PARD3B: variants seen among roughly 807,000 people sequenced by gnomAD.
The protein encoded by PARD3B is partitioning defective 3 homolog B.
In PARD3B, 103 loss-of-function variants were observed where a neutral mutation model predicts 130.2. The ratio of observed to expected loss-of-function variants is 0.79; its 90% CI spans 0.67 to 0.93. The LOEUF (loss-of-function observed/expected upper bound fraction) is 0.93, where lower values mean the gene tolerates loss of function less well. Among genes scored for constraint, PARD3B ranks in the 40% least tolerant of loss-of-function variants. The pLI is 0.00. For synonymous variants in PARD3B, 583 were observed against 553.2 expected (o/e 1.05, Z -0.76); for missense variants, 1,609 against 1,499.2 (o/e 1.07, Z -1.21).
intron 1 of PARD3B, among the ~76,000 whole-genome samples, chr2:204,637,041 CACTT>C (rs1287756609): frequency 2.6e-5 from 4 of 152,084 alleles, no homozygotes; most frequent in Non-Finnish European, 5.9e-5. Context: ...GGAAAATAAA[CACTT>C]AATCCCTTTA....
intron 1 of PARD3B, among the ~76,000 whole-genome samples, chr2:204,635,565 C>G (rs2034847155): frequency 6.6e-6 from 1 of 152,078 alleles, no homozygotes; most frequent in Admixed American, 6.6e-5. Context: ...AGCACTGTTT[C>G]ACAAGTTTTG....
intron 18 of PARD3B, among the ~76,000 whole-genome samples, chr2:205,313,438 A>G (rs934402104): frequency 6.6e-6 from 1 of 152,196 alleles, no homozygotes; most frequent in African/African-American, 2.4e-5. Flanking sequence ...ATGAAAATGT[A>G]CAGGAACCTT....
intron 2 of PARD3B, among the ~76,000 whole-genome samples, chr2:204,927,516 A>G (rs1263236232): frequency 6.6e-6 from 1 of 152,150 alleles, no homozygotes; most frequent in African/African-American, 2.4e-5. Flanking sequence ...GGTTTATGGT[A>G]CTTTGTTATA....
Position 205,591,439 on chromosome 2 carries a change from C to T in PARD3B, c.3261-24017C>T, listed in dbSNP as rs188711283. Among the ~76,000 whole-genome samples the T allele has an allele frequency of 6.6e-5, 10 of 152,244 alleles. No homozygotes were observed. The highest frequency in any genetic ancestry group is 1.3e-4 in the Non-Finnish European group (9 of 68,024). On this transcript the variant is annotated intron_variant, in intron 22 of 22. Coordinates refer to ENST00000406610, the MANE Select transcript of PARD3B (RefSeq NM_001302769.2). The surrounding 1 kb of genome is among the most constrained non-coding windows in gnomAD (Gnocchi z 4.2). Reference sequence around the variant, plus strand: ...TTGGGGCAGGAATAATAATAACTGCCTACCATTATCAGTCACTTACCACAC... The same window carrying T: ...TTGGGGCAGGAATAATAATAACTGCTTACCATTATCAGTCACTTACCACAC...
intron 2 of PARD3B, among the ~76,000 whole-genome samples, chr2:204,746,670 A>G (rs1389449104): frequency 6.6e-6 from 1 of 152,142 alleles, no homozygotes; most frequent in Non-Finnish European, 1.5e-5. Context: ...AATGATCGCC[A>G]TTCTAACTGG....
At chr2:205,252,327 A>T (rs949932986) in intron 16 of PARD3B, among the ~76,000 whole-genome samples, 3 of 152,220 alleles carry the variant, frequency 2.0e-5, no homozygotes, top group Admixed American at 6.5e-5. Context: ...GTAAAATAAG[A>T]CAAGTTCTCA....
intron 1 of PARD3B, among the ~76,000 whole-genome samples, chr2:204,617,565 C>T (rs1021239968): frequency 3.9e-5 from 6 of 151,916 alleles, no homozygotes; most frequent in Non-Finnish European, 7.4e-5. Context: ...TTTAAACTTT[C>T]CAACTTTTAG....
At chr2:205,477,463 T>A (rs1228060645) in intron 20 of PARD3B, among the ~76,000 whole-genome samples, 1 of 152,104 alleles carries the variant, frequency 6.6e-6, no homozygotes, top group Admixed American at 6.6e-5. Context: ...TGTGCAGTTG[T>A]GGAATATGTC....
chr2:205,183,185 G>T lies in PARD3B; in HGVS notation c.1925-2579G>T, dbSNP rs1413489641. Among the ~76,000 whole-genome samples, 1 of 152,160 alleles carries T rather than the reference G, an allele frequency of 6.6e-6. No individual in the cohort carries two copies. The highest frequency in any genetic ancestry group is 1.5e-5 in the Non-Finnish European group (1 of 68,020). On this transcript the variant is annotated intron_variant, in intron 13 of 22. Coordinates refer to ENST00000406610, the MANE Select transcript of PARD3B (RefSeq NM_001302769.2). This position sits in a 1 kb window ranked among gnomAD's most constrained non-coding sequence, Gnocchi z 5.2. ...GCAGTTACATAAGCAAAGATACTGA[G>T]GCAGGAACACCCAGGGGTGTTGGCA...
intron 19 of PARD3B, among the ~76,000 whole-genome samples, chr2:205,415,908 G>A (rs529343712): frequency 1.0e-3 from 158 of 152,180 alleles, no homozygotes; most frequent in African/African-American, 3.5e-3. Context: ...GATTAAACCC[G>A]AAATATGTAG....
At chr2:205,412,563 G>T (rs1216157897) in intron 19 of PARD3B, among the ~76,000 whole-genome samples, 2 of 152,160 alleles carry the variant, frequency 1.3e-5, no homozygotes, top group African/African-American at 2.4e-5. Context: ...CAAACTTTCA[G>T]TGGCTCTCTA....
chr2:205,374,001 G>A (rs1477586261), intron 18 of PARD3B, among the ~76,000 whole-genome samples: 1 of 152,052 alleles, frequency 6.6e-6, no homozygotes, highest in African/African-American at 2.4e-5. Flanking sequence ...CTTGCCCAGT[G>A]GAGAGCACAC....
At position 205,525,897 on chromosome 2, in the gene PARD3B, C is replaced by G. The variant is rs2051315782; in HGVS notation, c.3180+25866C>G. Among the ~76,000 whole-genome samples the G allele has an allele frequency of 6.6e-6, 1 of 152,144 alleles. No individual in the cohort carries two copies. ...CGGGAAGGTGCAAGAAAATCTGATC[C>G]TTTTTCAAAAATCATCTTAGAATCG... On this transcript the variant is annotated intron_variant, in intron 21 of 22. Coordinates refer to ENST00000406610, the MANE Select transcript of PARD3B (RefSeq NM_001302769.2). The surrounding 1 kb of genome is among the most constrained non-coding windows in gnomAD (Gnocchi z 4.2).
intron 2 of PARD3B, among the ~76,000 whole-genome samples, chr2:204,736,646 T>C (rs1427292567): frequency 6.6e-6 from 1 of 152,220 alleles, no homozygotes; most frequent in Non-Finnish European, 1.5e-5. Flanking sequence ...TTCCATAGTG[T>C]ATATGTACCA....
At chr2:204,738,793 A>G (rs1374521375) in intron 2 of PARD3B, among the ~76,000 whole-genome samples, 4 of 152,108 alleles carry the variant, frequency 2.6e-5, no homozygotes, top group East Asian at 1.9e-4. Flanking sequence ...AATGAGCAAC[A>G]TCTGATTTTT....
chr2:205,360,697 C>G (rs923494425), intron 18 of PARD3B, among the ~76,000 whole-genome samples: 3 of 152,164 alleles, frequency 2.0e-5, no homozygotes, highest in African/African-American at 7.2e-5. Flanking sequence ...TGGGGCTGAA[C>G]TGCCCAGGTC....
intron 20 of PARD3B, among the ~76,000 whole-genome samples, chr2:205,482,208 A>G (rs1357570276): frequency 6.6e-6 from 1 of 152,232 alleles, no homozygotes; most frequent in Non-Finnish European, 1.5e-5. Flanking sequence ...TCCAAAGTTT[A>G]GAGAATCCTT....
intron 2 of PARD3B, among the ~76,000 whole-genome samples, chr2:204,715,492 T>C (rs2038675873): frequency 6.6e-6 from 1 of 151,980 alleles, no homozygotes; most frequent in Non-Finnish European, 1.5e-5. Context: ...TTCTTTTTTT[T>C]TTTTTTTCTG....
At chr2:205,144,330 G>A (rs2033192728) in intron 10 of PARD3B, among the ~76,000 whole-genome samples, 1 of 152,160 alleles carries the variant, frequency 6.6e-6, no homozygotes, top group Admixed American at 6.6e-5. Flanking sequence ...CCAACCTGTA[G>A]ATATATGAGC....
Sources: allele counts gnomAD v4.1 joint callset (sites outside exome capture counted in the v4.1 genomes callset), GRCh38; gene constraint gnomAD v4.1.1; non-coding constraint Gnocchi (gnomAD v3.1); transcripts MANE v1.5; gene names NCBI Gene and HGNC (gene_info 2026-07-23, HGNC 2026-07-21).